Variants in ABCB5 observed in about 807,000 individuals in gnomAD.
The protein encoded by ABCB5 is ATP binding cassette subfamily B member 5.
In ABCB5, 155 loss-of-function variants were observed where a neutral mutation model predicts 144.2. The observed-to-expected ratio is 1.08, with a 90% CI of 0.94 to 1.23. The LOEUF (loss-of-function observed/expected upper bound fraction) is 1.23. ABCB5 is among the 50% of genes most tolerant of loss of function. The pLI, the probability that ABCB5 is intolerant of heterozygous loss-of-function variation, is 0.00. For missense variants in ABCB5, 1,830 were observed against 1,520.8 expected, an observed-to-expected ratio of 1.20 and a Z score of -3.38; for synonymous variants, 610 against 528.6, an observed-to-expected ratio of 1.15 and a Z score of -2.11.
chr7:20,684,285 G>C (rs543209079), intron 15 of ABCB5, among the ~76,000 whole-genome samples: 239 of 152,246 alleles, frequency 1.6e-3, no homozygotes, highest in Non-Finnish European at 2.9e-3. Flanking sequence ...TAAACATGTA[G>C]AGATATACAC....
chr7:20,702,828 A>ATTT (rs5882755), intron 19 of ABCB5, among the ~76,000 whole-genome samples: 2 of 114,120 alleles, frequency 1.8e-5, no homozygotes, highest in Non-Finnish European at 1.8e-5. Flanking sequence ...CGCCTGGCTA[A>ATTT]TTTTTTTTTT....
In ABCB5 at chr7:20,699,923, C is replaced by T. The variant is rs1378174253; in HGVS notation, c.2253C>T (p.Phe751=). The T allele has an allele frequency of 6.2e-7, 1 of 1,610,904 alleles. No homozygotes were observed. Among genetic ancestry groups the T allele is most frequent in the African/African-American group, 1.3e-5 (1 of 74,828 alleles). The change falls in exon 18 of 28, where the codon TTC becomes TTT. Residue 751 remains phenylalanine, a synonymous_variant. Transcript: ENST00000404938. ...ILGVICFVSY[F]MQGLFYGRAG... is the part of the protein sequence containing the mutation. Reference sequence around the variant, plus strand: ...GTGTTATTTGCTTTGTCAGTTATTTCATGCAGGTAAGCTTTTAATAAACAA... The same window carrying T: ...GTGTTATTTGCTTTGTCAGTTATTTTATGCAGGTAAGCTTTTAATAAACAA...
chr7:20,703,728 A>G (rs1786712634), intron 19 of ABCB5, among the ~76,000 whole-genome samples: 12 of 152,220 alleles, frequency 7.9e-5, no homozygotes, highest in Admixed American at 7.8e-4. Flanking sequence ...AACATTCAAT[A>G]GCTATAAGAG....
At chr7:20,742,539 C>A (rs1430214023) in intron 24 of ABCB5, among the ~76,000 whole-genome samples, 1 of 152,068 alleles carries the variant, frequency 6.6e-6, no homozygotes, top group Non-Finnish European at 1.5e-5. Context: ...AAAGCACAAA[C>A]CACATTAAAA....
Position 20,632,051 on chromosome 7 carries a change from T to C in ABCB5, c.260-8T>C. 2 of 1,502,456 alleles carry C rather than the reference T, an allele frequency of 1.3e-6. No homozygotes were observed. Among genetic ancestry groups the C allele is most frequent in the Non-Finnish European group, 8.9e-7 (1 of 1,121,310 alleles). The allele number at this position is 1,502,456 out of a possible 1,614,324, so 93.1% of individuals were successfully genotyped here. The stretch of plus-strand genomic sequence containing the variant: ...TTTCCTCTATATTTTAAATAACCTT[T>C]TTTACAGCAAATTATCAGAACTGTA... On this transcript the variant is annotated splice_polypyrimidine_tract_variant and splice_region_variant and intron_variant, in intron 4 of 27. Transcript: ENST00000404938.
rs117476413 is a variant in ABCB5, at chr7:20,694,835, T to C, written c.2011-3572T>C. On this transcript the variant is annotated intron_variant, in intron 16 of 27. Transcript: ENST00000404938. ...GGGAAATTAAAAATAAAAAAATAAT[T>C]TTATGTACAATAGTACCAAAATATT... Among the ~76,000 whole-genome samples, 43 of 152,084 alleles carry C rather than the reference T, an allele frequency of 2.8e-4. 1 individual carries two copies. The East Asian group carries it at 8.1e-3, about 29-fold the overall frequency.
At chr7:20,654,346 A>G (rs1583398144) in intron 13 of ABCB5, among the ~76,000 whole-genome samples, 1 of 152,250 alleles carries the variant, frequency 6.6e-6, no homozygotes, top group East Asian at 1.9e-4. Flanking sequence ...TTATTCTTTA[A>G]GAAAAGGGCT....
Position 20,690,162 on chromosome 7 carries a change from A to G in ABCB5, c.2010+4326A>G, listed in dbSNP as rs545651229. On this transcript the variant is annotated intron_variant, in intron 16 of 27. Transcript: ENST00000404938. ...CTTTTTCCCCCCATTAACCCTTGAT[A>G]GAAATGTAACATTTACTTTGTGAAT... is the stretch of plus-strand genomic sequence containing the variant. Among the ~76,000 whole-genome samples, 72 of 152,344 alleles carry G rather than the reference A, an allele frequency of 4.7e-4. 1 individual carries two copies. The highest frequency in any genetic ancestry group is 9.0e-4 in the Non-Finnish European group (61 of 68,026).
intron 14 of ABCB5, among the ~76,000 whole-genome samples, chr7:20,662,405 G>A (rs6958928): frequency 0.16 from 24,920 of 152,026 alleles, 2,808 homozygotes; most frequent in African/African-American, 0.3. Context: ...TTAAGCTGCC[G>A]GCCACTGGAT....
At chr7:20,753,130 T>C (rs1782983300) in intron 26 of ABCB5, among the ~76,000 whole-genome samples, 3 of 152,238 alleles carry the variant, frequency 2.0e-5, no homozygotes, top group Middle Eastern at 3.2e-3. Flanking sequence ...GGAAGCATAA[T>C]GGCAGAGGTC....
chr7:20,677,511 C>A (rs1374954510), intron 14 of ABCB5, among the ~76,000 whole-genome samples: 2 of 152,114 alleles, frequency 1.3e-5, no homozygotes, highest in African/African-American at 4.8e-5. Flanking sequence ...GGTGGATCAC[C>A]TGAGGTCAGG....
chr7:20,681,947 C>T (rs1449423991), intron 15 of ABCB5, among the ~76,000 whole-genome samples: 1 of 152,110 alleles, frequency 6.6e-6, no homozygotes, highest in African/African-American at 2.4e-5. Flanking sequence ...TGGCTCACAC[C>T]TGCAATCCCA....
intron 20 of ABCB5, among the ~76,000 whole-genome samples, chr7:20,713,750 C>G (rs1347840082): frequency 1.3e-5 from 2 of 149,662 alleles, no homozygotes; most frequent in Admixed American, 1.3e-4. Context: ...TCTACCTACG[C>G]CCTGTGGCTC....
At chr7:20,656,264 A>T (rs1784788352) in intron 13 of ABCB5, among the ~76,000 whole-genome samples, 1 of 152,162 alleles carries the variant, frequency 6.6e-6, no homozygotes, top group Non-Finnish European at 1.5e-5. Flanking sequence ...TAAAAAAAAG[A>T]TAAACTGGAG....
chr7:20,666,264 G>T lies in ABCB5; in HGVS notation c.1707+7588G>T, dbSNP rs897622556. On this transcript the variant is annotated intron_variant, in intron 14 of 27. Coordinates refer to ENST00000404938, the MANE Select transcript of ABCB5 (RefSeq NM_001163941.2). ...CAAATCCAACTGAGGCAACCTTTTG[G>T]AAGGCAGTGAGTGGGAACTTGTGTT... is the stretch of plus-strand genomic sequence containing the variant. Among the ~76,000 whole-genome samples, 9 of 152,242 alleles carry T rather than the reference G, an allele frequency of 5.9e-5. No homozygotes were observed. In the East Asian group the frequency reaches 1.7e-3, roughly 29 times the overall value.
chr7:20,640,486 A>T (rs1273078331), intron 5 of ABCB5, among the ~76,000 whole-genome samples: 2 of 152,220 alleles, frequency 1.3e-5, no homozygotes, highest in African/African-American at 2.4e-5. Flanking sequence ...GGCACGTCAC[A>T]GCCTTCTTGC....
chr7:20,630,779 G>A (rs996033896), intron 4 of ABCB5, among the ~76,000 whole-genome samples: 1 of 152,118 alleles, frequency 6.6e-6, no homozygotes, highest in African/African-American at 2.4e-5. Context: ...AGTTTATTCT[G>A]TAATTGATTG....
In ABCB5 at chr7:20,727,122, T is replaced by A. The variant is rs770544953; in HGVS notation, c.2708T>A (p.Met903Lys). The A allele has an allele frequency of 5.0e-6, 8 of 1,613,286 alleles. No individual in the cohort carries two copies. The highest frequency in any genetic ancestry group is 6.8e-6 in the Non-Finnish European group (8 of 1,179,438). The change falls in exon 22 of 28, where the codon ATG becomes AAG. Residue 903 changes from methionine to lysine, a missense_variant. Coordinates refer to ENST00000404938, the MANE Select transcript of ABCB5 (RefSeq NM_001163941.2). ...GCCTTCGAGCAAATGTATGAAGAGA[T>A]GCTTCAGACTCAACACAGGTGATTA... is the stretch of plus-strand genomic sequence containing the variant. ...EKAFEQMYEE[M>K]LQTQHRNTSK...
intron 23 of ABCB5, among the ~76,000 whole-genome samples, chr7:20,729,452 T>C (rs1433957049): frequency 6.6e-6 from 1 of 152,156 alleles, no homozygotes; most frequent in Non-Finnish European, 1.5e-5. Context: ...TTCAAAAATG[T>C]CACATTTGGA....
Sources: gnomAD v4.1 joint callset for allele counts (sites outside exome capture counted in the v4.1 genomes callset) on GRCh38, gnomAD v4.1.1 for gene constraint, MANE v1.5 for transcripts, NCBI Gene and HGNC (gene_info 2026-07-23, HGNC 2026-07-21) for gene names.